The following FRMD5 variants were observed in gnomAD, a reference collection of about 807,000 sequenced individuals.
The protein encoded by FRMD5 is FERM domain containing 5.
In FRMD5, 20 loss-of-function variants were observed where a neutral mutation model predicts 69.0. The ratio of observed to expected loss-of-function variants is 0.29; its 90% CI spans 0.20 to 0.42. The LOEUF is 0.42. Ranked by LOEUF, FRMD5 falls within the 10% of genes least tolerant of loss-of-function variation. The probability of loss-of-function intolerance (pLI) is 1.00; values close to 1 mark genes in which losing one functional copy is unlikely to be tolerated. For synonymous variants in FRMD5, 271 were observed against 260.1 expected (o/e 1.04, Z -0.40); for missense variants, 595 against 708.6 (o/e 0.84, Z 1.82).
chr15:44,132,818 C>T (rs2077122380), intron 1 of FRMD5, among the ~76,000 whole-genome samples: 1 of 151,568 alleles, frequency 6.6e-6, no homozygotes, highest in South Asian at 2.1e-4. Flanking sequence ...AGTACAGTGA[C>T]ACAATCTTGG....
chr15:43,875,175 T>TGACAGAGCAAGACTCTGCCTCGGGGCGAG (rs1389240350), intron 13 of FRMD5, among the ~76,000 whole-genome samples: 19 of 151,588 alleles, frequency 1.3e-4, no homozygotes, highest in African/African-American at 4.6e-4. Context: ...CCAGCCTGGG[T>TGACAGAGCAAGACTCTGCCTCGGGGCGAG]GACAGAGCAA....
intron 13 of FRMD5, 132 bp downstream of exon 13, chr15:43,883,571 C>T: frequency 1.5e-6 from 1 of 651,008 alleles, no homozygotes; most frequent in Non-Finnish European, 2.7e-6. Context: ...TGGATAAAAC[C>T]TCCTACTTGC....
intron 1 of FRMD5, among the ~76,000 whole-genome samples, chr15:44,153,509 C>T (rs370955245): frequency 5.9e-5 from 9 of 152,106 alleles, no homozygotes; most frequent in East Asian, 1.9e-4. Context: ...GAGGTATAGA[C>T]GAATACTAGA....
intron 2 of FRMD5, among the ~76,000 whole-genome samples, chr15:43,921,717 A>C (rs901759471): frequency 7.2e-5 from 11 of 152,234 alleles, no homozygotes; most frequent in African/African-American, 2.7e-4. Flanking sequence ...TTCCTCCCCT[A>C]TCTGAGTGAA....
intron 1 of FRMD5, among the ~76,000 whole-genome samples, chr15:44,015,670 A>C (rs1006857579): frequency 6.6e-6 from 1 of 152,184 alleles, no homozygotes; most frequent in Admixed American, 6.5e-5. Flanking sequence ...AATTTTTGAG[A>C]CAAAAACTTC....
intron 1 of FRMD5, among the ~76,000 whole-genome samples, chr15:44,099,468 C>T (rs1366651994): frequency 6.6e-6 from 1 of 151,884 alleles, no homozygotes; most frequent in African/African-American, 2.4e-5. Flanking sequence ...CATGAATTCC[C>T]ATCATATGAT....
At chr15:44,052,337 T>C (rs1892703937) in intron 1 of FRMD5, among the ~76,000 whole-genome samples, 1 of 152,156 alleles carries the variant, frequency 6.6e-6, no homozygotes, top group South Asian at 2.1e-4. Context: ...AACCATTGTG[T>C]TTCTTTTGAG....
chr15:43,942,000 G>A (rs924242851), intron 1 of FRMD5, among the ~76,000 whole-genome samples: 2 of 152,094 alleles, frequency 1.3e-5, no homozygotes, highest in South Asian at 2.1e-4. Context: ...GCTGCAAAAT[G>A]TTTTCATTTT....
At chr15:43,991,082 T>A (rs1189597436) in intron 1 of FRMD5, among the ~76,000 whole-genome samples, 2 of 152,244 alleles carry the variant, frequency 1.3e-5, no homozygotes, top group Non-Finnish European at 2.9e-5. Flanking sequence ...TAGAATGGTT[T>A]AAGTTTTGAA....
At chr15:44,026,256 C>A (rs1462114076) in intron 1 of FRMD5, among the ~76,000 whole-genome samples, 1 of 152,220 alleles carries the variant, frequency 6.6e-6, no homozygotes, top group East Asian at 1.9e-4. Flanking sequence ...GCTGGGATTG[C>A]AGGCATGAAC....
rs537000766 is a variant in FRMD5, at chr15:44,127,753, T to G, written c.102+67200A>C. ...AGCTGGGCATGGGGCACACCTGTAG[T>G]CCCAGCTACTTGGAAGGCTGAGGTG... On this transcript the variant is annotated intron_variant, in intron 1 of 13. Transcript: ENST00000417257. Among the ~76,000 whole-genome samples the G allele has an allele frequency of 2.6e-5, 4 of 152,110 alleles. No homozygotes were observed. The East Asian group carries it at 7.7e-4, about 29-fold the overall frequency.
intron 1 of FRMD5, among the ~76,000 whole-genome samples, chr15:44,036,097 C>A (rs1221711304): frequency 5.3e-5 from 8 of 152,192 alleles, no homozygotes; most frequent in African/African-American, 1.9e-4. Flanking sequence ...CCTAACGCAG[C>A]ATTGCCCATA....
chr15:44,055,490 A>G lies in FRMD5; in HGVS notation c.103-131181T>C, dbSNP rs566623366. 2.6e-5 allele frequency among the ~76,000 whole-genome samples: 4 copies of G among 152,306 alleles called. No homozygotes were observed. The East Asian group carries it at 7.7e-4, about 29-fold the overall frequency. ...CTCATTTGCTTGTTGAAGCCCTGTAACTGACACTATACTATCAACATAAAG... is the reference window on the plus strand; with the variant it reads ...CTCATTTGCTTGTTGAAGCCCTGTAGCTGACACTATACTATCAACATAAAG... On this transcript the variant is annotated intron_variant, in intron 1 of 13. Coordinates refer to ENST00000417257, the MANE Select transcript of FRMD5 (RefSeq NM_032892.5).
chr15:44,191,940 A>ATGTG (rs1218415681), intron 1 of FRMD5, among the ~76,000 whole-genome samples: 17 of 134,178 alleles, frequency 1.3e-4, no homozygotes, highest in African/African-American at 4.7e-4. Context: ...ATATATATAT[A>ATGTG]TGTATCTCCA....
intron 1 of FRMD5, among the ~76,000 whole-genome samples, chr15:43,984,508 A>G (rs1889290219): frequency 6.6e-6 from 1 of 152,146 alleles, no homozygotes. Context: ...AGCTCCTACT[A>G]CCTCAACAAT....
intron 10 of FRMD5, among the ~76,000 whole-genome samples, chr15:43,886,947 G>A (rs2088677550): frequency 6.6e-6 from 1 of 152,070 alleles, no homozygotes; most frequent in South Asian, 2.1e-4. Context: ...TCCAGTGTGG[G>A]TGCAGGCAGG....
At chr15:44,179,655 T>G (rs2077961499) in intron 1 of FRMD5, among the ~76,000 whole-genome samples, 1 of 152,108 alleles carries the variant, frequency 6.6e-6, no homozygotes, top group Non-Finnish European at 1.5e-5. Context: ...CACACACACA[T>G]TAAACAAACA....
intron 1 of FRMD5, among the ~76,000 whole-genome samples, chr15:43,993,128 T>C (rs980515600): frequency 1.3e-5 from 2 of 152,314 alleles, no homozygotes; most frequent in Middle Eastern, 3.4e-3. Flanking sequence ...TTTGATATGA[T>C]TTCAATCTTC....
intron 1 of FRMD5, among the ~76,000 whole-genome samples, chr15:44,035,588 G>A (rs1328020397): frequency 6.6e-6 from 1 of 152,024 alleles, no homozygotes; most frequent in Admixed American, 6.5e-5. Flanking sequence ...GATTTTTCTT[G>A]GCCAAAAAAT....
Sources: allele counts gnomAD v4.1 joint callset (sites outside exome capture counted in the v4.1 genomes callset), GRCh38; gene constraint gnomAD v4.1.1; transcripts MANE v1.5; gene names NCBI Gene and HGNC (gene_info 2026-07-23, HGNC 2026-07-21).